COQ6: variants seen among roughly 807,000 people sequenced by gnomAD.
COQ6 encodes ubiquinone biosynthesis monooxygenase COQ6, mitochondrial.
A neutral mutation model predicts 55.5 loss-of-function variants in COQ6; 45 were observed. The observed-to-expected ratio is 0.81, with a 90% confidence interval of 0.64 to 1.04. The LOEUF (loss-of-function observed/expected upper bound fraction) is 1.04, where lower values mean the gene tolerates loss of function less well. COQ6 is among the 50% of genes least tolerant of loss of function. The probability of loss-of-function intolerance (pLI) is 0.00; values close to 1 mark genes in which losing one functional copy is unlikely to be tolerated. For synonymous variants in COQ6, 206 were observed against 230.5 expected (o/e 0.89, Z 0.96); for missense variants, 550 against 601.3 (o/e 0.91, Z 0.89).
At position 73,961,170 on chromosome 14, in the gene COQ6, C is replaced by T; in HGVS notation, c.892-3C>T. ...TGTTTGTCTTGTGGCTGATGCTGCT[C>T]AGTGGAGTGATGCTGACCACACGGA... is the stretch of plus-strand genomic sequence containing the variant. On this transcript the variant is annotated splice_polypyrimidine_tract_variant and splice_region_variant and intron_variant, in intron 8 of 11. Transcript: ENST00000334571. The T allele has an allele frequency of 1.9e-6, 3 of 1,613,188 alleles. No individual in the cohort carries two copies. Among genetic ancestry groups the T allele is most frequent in the Non-Finnish European group, 1.7e-6 (2 of 1,179,716 alleles).
At chr14:73,954,948 TATTTTA>T (rs2056356242) in intron 2 of COQ6, among the ~76,000 whole-genome samples, 1 of 134,686 alleles carries the variant, frequency 7.4e-6, no homozygotes, top group Admixed American at 7.9e-5. Context: ...TTTTTTTTTT[TATTTTA>T]TTTTTTTTTT....
chr14:73,950,689 G>T, intron 1 of COQ6, 194 bp downstream of exon 1: 2 of 786,830 alleles, frequency 2.5e-6, no homozygotes, highest in Non-Finnish European at 2.0e-6. Flanking sequence ...GGTCAAAAGT[G>T]GGAGGGGCGT....
chr14:73,961,932 G>A (rs1280616265), intron 11 of COQ6, 29 bp downstream of exon 11: 2 of 1,613,034 alleles, frequency 1.2e-6, no homozygotes, highest in Middle Eastern at 1.7e-4. Context: ...GAATGACTTT[G>A]CAAACAGCTC....
At chr14:73,956,259 T>C (rs1460001151) in intron 4 of COQ6, 8 of 314,590 alleles carry the variant, frequency 2.5e-5, no homozygotes, top group East Asian at 2.3e-4. Context: ...ACCCAGGAGG[T>C]GGAGCTTGCA....
intron 4 of COQ6, among the ~76,000 whole-genome samples, chr14:73,957,611 G>A (rs1384317278): frequency 6.6e-6 from 1 of 151,982 alleles, no homozygotes; most frequent in Non-Finnish European, 1.5e-5. Flanking sequence ...TTAATTTTTT[G>A]TAAAGATGGG....
At chr14:73,956,448 A>C (rs1277698293) in intron 4 of COQ6, 1 of 162,872 alleles carries the variant, frequency 6.1e-6, no homozygotes, top group Non-Finnish European at 1.4e-5. Flanking sequence ...AACTTTTCTG[A>C]AGAGGCTATA....
intron 1 of COQ6, 71 bp from the exon 2 acceptor site, chr14:73,953,362 CTG>C (rs2056273617): frequency 2.3e-6 from 3 of 1,294,350 alleles, no homozygotes; most frequent in East Asian, 2.3e-5. Context: ...AGTGGTTACT[CTG>C]TTGTTTCTCT....
At chr14:73,956,009 A>G (rs756653470) in intron 4 of COQ6, 81 bp downstream of exon 4, 13 of 1,585,110 alleles carry the variant, frequency 8.2e-6, no homozygotes, top group Admixed American at 1.7e-5. Context: ...CTCTTTTACA[A>G]TATTCAGTGT....
rs751689759 is a variant in COQ6, at chr14:73,959,561, G to A, written c.891+39G>A. 2.5e-6 allele frequency: 4 copies of A among 1,614,094 alleles called. 1 individual carries two copies. In the South Asian group the frequency reaches 4.4e-5, roughly 18 times the overall value. ...TACCCAGCTGATGATGTGCTGCAGG[G>A]GGAGATACAGAAAGGTGTTGTTTTT... On this transcript the variant is annotated intron_variant, in intron 8 of 11. Coordinates refer to ENST00000334571, the MANE Select transcript of COQ6 (RefSeq NM_182476.3).
intron 8 of COQ6, chr14:73,960,175 G>A: frequency 1.0e-6 from 1 of 988,110 alleles, no homozygotes; most frequent in Non-Finnish European, 1.2e-6. Flanking sequence ...TATTCCTAGG[G>A]AAAGGCCGAG....
At position 73,955,846 on chromosome 14, in the gene COQ6, G is replaced by A. The variant is rs776481322; in HGVS notation, c.399G>A (p.Lys133=). ...CAGAGGCCCTGATAATGTTTGATAA[G>A]GATAATTTAGATGACATGGGCTATA... is the stretch of plus-strand genomic sequence containing the variant. ...ACSEALIMFD[K]DNLDDMGYIV... Residue 133 remains lysine, a synonymous_variant, in exon 4 of 12, where the codon AAG becomes AAA. Transcript: ENST00000334571. 2.5e-6 allele frequency: 4 copies of A among 1,614,128 alleles called. No individual in the cohort carries two copies. Among genetic ancestry groups the A allele is most frequent in the Non-Finnish European group, 3.4e-6 (4 of 1,180,016 alleles).
intron 1 of COQ6, among the ~76,000 whole-genome samples, chr14:73,951,083 A>G (rs1264915283): frequency 6.6e-6 from 1 of 152,014 alleles, no homozygotes; most frequent in Non-Finnish European, 1.5e-5. Context: ...TGTAGCCTCA[A>G]CCTCCCTGGC....
At chr14:73,950,609 C>G in intron 1 of COQ6, 114 bp downstream of exon 1, 2 of 1,432,612 alleles carry the variant, frequency 1.4e-6, no homozygotes, top group Admixed American at 2.3e-5. Flanking sequence ...TCTCGCGACG[C>G]TTCTCCCCTC....
rs2056152445 is a variant in COQ6 at position 73,950,637 on chromosome 14, C to T, written c.163+142C>T. ...CTCCCCTCCCCTCCTAGAGGAACCC[C>T]AGGGCACGCCGGAATGCGTGTGGTC... is the stretch of plus-strand genomic sequence containing the variant. On this transcript the variant is annotated intron_variant, in intron 1 of 11. Coordinates refer to ENST00000334571, the MANE Select transcript of COQ6 (RefSeq NM_182476.3). 3.4e-5 allele frequency: 44 copies of T among 1,285,552 alleles called. 1 individual carries two copies. The South Asian group carries it at 6.2e-4, about 18-fold the overall frequency. The allele number at this position is 1,285,552 out of a possible 1,614,324, so 79.6% of individuals were successfully genotyped here. A position where few individuals can be genotyped will look rare whatever the true frequency, so the allele number is the denominator to read the frequency against.
chr14:73,961,519 T>C lies in COQ6; in HGVS notation c.1159T>C (p.Ser387Pro). Residue 387 changes from serine to proline, a missense_variant, in exon 10 of 12, where the codon TCC becomes CCC. Physicochemically the swap from Ser to Pro is moderately conservative, Grantham distance 74. Transcript: ENST00000334571. ...TGTCAACATGGGCTTTGGGGATATC[T>C]CCAGCTTGGCCCATCACCTCAGTAC... ...QGVNMGFGDI[S>P]SLAHHLSTAA... 6.2e-7 allele frequency: 1 copy of C among 1,614,130 alleles called. No individual in the cohort carries two copies. The highest frequency in any genetic ancestry group is 8.5e-7 in the Non-Finnish European group (1 of 1,180,034).
chr14:73,961,590 G>T lies in COQ6; in HGVS notation c.1210+20G>T. On this transcript the variant is annotated intron_variant, in intron 10 of 11. Coordinates refer to ENST00000334571, the MANE Select transcript of COQ6 (RefSeq NM_182476.3). Reference sequence around the variant, plus strand: ...ACTTAGGTAAGGATTCAGATACTATGGGGAAGTATCCAGAGGTCATATAGT... The same window carrying T: ...ACTTAGGTAAGGATTCAGATACTATTGGGAAGTATCCAGAGGTCATATAGT... The T allele has an allele frequency of 6.2e-7, 1 of 1,612,632 alleles. No homozygotes were observed. The highest frequency in any genetic ancestry group is 8.5e-7 in the Non-Finnish European group (1 of 1,178,700).
intron 4 of COQ6, among the ~76,000 whole-genome samples, chr14:73,957,004 T>C (rs1254668960): frequency 1.3e-5 from 2 of 152,152 alleles, no homozygotes; most frequent in African/African-American, 4.8e-5. Context: ...AAAGCTGTAA[T>C]TGCAGTTGTC....
chr14:73,962,405 T>C (rs1327082154), intron 11 of COQ6, among the ~76,000 whole-genome samples: 2 of 152,056 alleles, frequency 1.3e-5, no homozygotes, highest in Non-Finnish European at 2.9e-5. Context: ...GGCTTAAAAA[T>C]AGTGAATAGG....
intron 8 of COQ6, 97 bp from the exon 9 acceptor site, chr14:73,961,075 AG>A: frequency 7.2e-7 from 1 of 1,390,508 alleles, no homozygotes; most frequent in Non-Finnish European, 9.9e-7. Flanking sequence ...GGGTAGCATT[AG>A]CCTAAGCTTT....
Sources: gnomAD v4.1 joint callset for allele counts (sites outside exome capture counted in the v4.1 genomes callset) on GRCh38, gnomAD v4.1.1 for gene constraint, MANE v1.5 for transcripts, NCBI Gene and HGNC (gene_info 2026-07-23, HGNC 2026-07-21) for gene names.